DLEC1: variants seen among roughly 807,000 people sequenced by gnomAD.
The protein encoded by DLEC1 is DLEC1 cilia and flagella associated protein.
Under a neutral mutation model 198.1 loss-of-function variants are expected in DLEC1, and 146 were observed. The observed-to-expected ratio is 0.74, with a 90% CI of 0.64 to 0.85. DLEC1 has a LOEUF of 0.85. Ranked by LOEUF, DLEC1 falls within the 40% of genes least tolerant of loss-of-function variation. The pLI is 0.00. For missense variants in DLEC1, 2,233 were observed against 2,220.0 expected (o/e 1.01, Z -0.12); for synonymous variants, 897 against 866.8 (o/e 1.03, Z -0.61).
At chr3:38,110,841 C>T (rs1410192151) in intron 23 of DLEC1, among the ~76,000 whole-genome samples, 1 of 152,096 alleles carries the variant, frequency 6.6e-6, no homozygotes, top group Non-Finnish European at 1.5e-5. Flanking sequence ...CATGCATACA[C>T]ACATACACAC....
At chr3:38,093,497 A>G (rs1698847327) in intron 11 of DLEC1, 108 bp from the exon 12 acceptor site, 1 of 1,331,672 alleles carries the variant, frequency 7.5e-7, no homozygotes, top group Admixed American at 1.9e-5. Context: ...TGCAGGAATC[A>G]TGGTCAAGGC....
chr3:38,080,795 G>A (rs1019680847), intron 6 of DLEC1, among the ~76,000 whole-genome samples: 4 of 139,240 alleles, frequency 2.9e-5, no homozygotes, highest in Non-Finnish European at 3.1e-5. Context: ...GAAGGGGTTC[G>A]GGTGTTCTTT....
intron 6 of DLEC1, among the ~76,000 whole-genome samples, chr3:38,069,277 C>T (rs1368408525): frequency 6.6e-6 from 1 of 152,058 alleles, no homozygotes; most frequent in Admixed American, 6.5e-5. Context: ...ACACCAGGCC[C>T]AGATCATTTT....
At chr3:38,073,820 G>A (rs751227074) in intron 6 of DLEC1, among the ~76,000 whole-genome samples, 2 of 152,124 alleles carry the variant, frequency 1.3e-5, no homozygotes, top group Non-Finnish European at 2.9e-5. Context: ...CCCCTGTGTC[G>A]ATTAAACAGG....
rs750258508 is a variant in DLEC1, at chr3:38,109,413, T to C, written c.3130-19T>C. 8 of 1,614,026 alleles carry C rather than the reference T, an allele frequency of 5.0e-6. No homozygotes were observed. Among genetic ancestry groups the C allele is most frequent in the East Asian group, 2.2e-5 (1 of 44,878 alleles). ...GAGGCCCCAGGCCTGGTCTGACCCC[T>C]GGATGGGCTTTCTTATAGGAAGAGC... On this transcript the variant is annotated intron_variant, in intron 21 of 36. Transcript: ENST00000308059.
rs752698716 is a variant in DLEC1, at chr3:38,120,410, C to T, written c.4705-38C>T. The stretch of plus-strand genomic sequence containing the variant: ...AGGTGGGGAAGTGGCCACCTGCCCT[C>T]TGCAGCCGGAGTTGACACCATGTCC... On this transcript the variant is annotated intron_variant, in intron 33 of 36. Transcript: ENST00000308059. 5.0e-6 allele frequency: 8 copies of T among 1,609,816 alleles called. No individual in the cohort carries two copies. In the South Asian group the frequency reaches 6.6e-5, roughly 13 times the overall value.
At chr3:38,102,490 C>A (rs1699357325) in intron 19 of DLEC1, among the ~76,000 whole-genome samples, 1 of 152,238 alleles carries the variant, frequency 6.6e-6, no homozygotes, top group African/African-American at 2.4e-5. Flanking sequence ...AAATGAATTT[C>A]TGTTTTCCCA....
chr3:38,062,397 G>A lies in DLEC1; in HGVS notation c.873+29G>A, dbSNP rs369208018. On this transcript the variant is annotated intron_variant, in intron 4 of 36. Transcript: ENST00000308059. ...AGTTTGGAAGGCTGTGCAGAGCAGT[G>A]TTTGGGGGGACAGAGAGGCAGTGAA... The A allele has an allele frequency of 1.2e-5, 20 of 1,613,432 alleles. No homozygotes were observed. In the African/African-American group the frequency reaches 2.1e-4, roughly 17 times the overall value.
intron 9 of DLEC1, among the ~76,000 whole-genome samples, chr3:38,087,969 CCT>C (rs1698551816): frequency 6.6e-6 from 1 of 152,214 alleles, no homozygotes; most frequent in Admixed American, 6.5e-5. Flanking sequence ...CAGCTCACCT[CCT>C]GAGTGAGACC....
intron 13 of DLEC1, chr3:38,095,665 A>C (rs1355551046): frequency 1.8e-6 from 1 of 554,044 alleles, no homozygotes; most frequent in Admixed American, 3.1e-5. Flanking sequence ...TCTTGCACCC[A>C]GGCCCAGCTG....
intron 3 of DLEC1, among the ~76,000 whole-genome samples, chr3:38,061,440 C>G (rs529108407): frequency 1.0e-3 from 152 of 152,226 alleles, no homozygotes; most frequent in African/African-American, 3.4e-3. Flanking sequence ...CTCAGCCTCC[C>G]AAATTGCCAG....
At chr3:38,063,698 CA>C in intron 5 of DLEC1, 142 bp from the exon 6 acceptor site, 22 of 591,038 alleles carry the variant, frequency 3.7e-5, no homozygotes, top group Non-Finnish European at 4.1e-5. Flanking sequence ...CAATAAGATC[CA>C]AAAACCCCCC....
chr3:38,085,578 C>A, intron 8 of DLEC1, 131 bp downstream of exon 8: 1 of 1,066,514 alleles, frequency 9.4e-7, no homozygotes, highest in Non-Finnish European at 1.3e-6. Context: ...GTGGGTCCTG[C>A]AGAGGAAACT....
chr3:38,121,782 G>A lies in DLEC1; in HGVS notation c.5020+1G>A, dbSNP rs762993290. On this transcript the variant is annotated splice_donor_variant, in intron 35 of 36. Transcript: ENST00000308059. LOFTEE classifies it high-confidence loss of function. ...CGAAGCTACTGGACTATGCTGATGG[G>A]TATGTCCTACCCTGCCACCTACCCA... 6.2e-6 allele frequency: 10 copies of A among 1,613,858 alleles called. No homozygotes were observed. The South Asian group carries it at 1.1e-4, about 18-fold the overall frequency.
chr3:38,095,949 G>A lies in DLEC1; in HGVS notation c.2171+3G>A, dbSNP rs1352248154. ...GAGGAAGTCCCAGAGCCTGTAAGGT[G>A]AGAGAAACTGGGCCCTGGATGAGAA... On this transcript the variant is annotated splice_donor_region_variant and intron_variant, in intron 14 of 36. Transcript: ENST00000308059. 1 of 1,613,402 alleles carries A rather than the reference G, an allele frequency of 6.2e-7. No homozygotes were observed. The highest frequency in any genetic ancestry group is 8.5e-7 in the Non-Finnish European group (1 of 1,179,972).
intron 2 of DLEC1, among the ~76,000 whole-genome samples, chr3:38,056,134 G>A (rs1161398521): frequency 6.7e-6 from 1 of 149,360 alleles, no homozygotes. Context: ...TGAGTGTGGT[G>A]GCATGCGCCT....
rs752069737 is a variant in DLEC1 at position 38,111,680 on chromosome 3, C to T, written c.3447C>T (p.Pro1149=). The change falls in exon 24 of 37, where the codon CCC becomes CCT. Residue 1149 remains proline, a synonymous_variant. Coordinates refer to ENST00000308059, the MANE Select transcript of DLEC1 (RefSeq NM_007335.4). ...TTCTGTGTCTCCACTTGTAAAGTCC[C>T]AACATGCCTCCTGCCCTGCTAAAGA... is the stretch of plus-strand genomic sequence containing the variant. ...QNSLSKKTSL[P]NMPPALLKTV... 4 of 1,613,038 alleles carry T rather than the reference C, an allele frequency of 2.5e-6. No individual in the cohort carries two copies. In the South Asian group the frequency reaches 4.4e-5, roughly 18 times the overall value.
Position 38,123,144 on chromosome 3 carries a change from G to A in DLEC1, c.*732G>A. On this transcript the variant is annotated 3_prime_UTR_variant, in exon 37 of 37. Transcript: ENST00000308059. ...TGCCCTGTGAAAACAAAACTTAATT[G>A]GCTGGGCAAAGGCACCCACCAAATT... 6.2e-7 allele frequency: 1 copy of A among 1,612,910 alleles called. No homozygotes were observed.
intron 6 of DLEC1, among the ~76,000 whole-genome samples, chr3:38,073,000 C>T (rs1393182668): frequency 6.6e-6 from 1 of 152,140 alleles, no homozygotes; most frequent in African/African-American, 2.4e-5. Flanking sequence ...CGAGAAAGAG[C>T]TTGGCTGAAG....
Sources: gnomAD v4.1 joint callset for allele counts (sites outside exome capture counted in the v4.1 genomes callset) on GRCh38, gnomAD v4.1.1 for gene constraint, MANE v1.5 for transcripts, NCBI Gene and HGNC (gene_info 2026-07-23, HGNC 2026-07-21) for gene names.